The following UBXN8 variants were observed in gnomAD, a reference collection of about 807,000 sequenced individuals.
UBXN8 encodes the protein UBX domain-containing protein 8.
In UBXN8, 27 loss-of-function variants were observed where a neutral mutation model predicts 32.1. The ratio of observed to expected loss-of-function variants is 0.84; its 90% CI spans 0.62 to 1.16. UBXN8 has a LOEUF of 1.16. UBXN8 is among the 50% of genes most tolerant of loss of function. UBXN8 has a pLI of 0.00. For synonymous variants in UBXN8, 109 were observed against 111.8 expected (o/e 0.98, Z 0.16); for missense variants, 306 against 311.4 (o/e 0.98, Z 0.13).
chr8:30,756,676 GT>G, intron 4 of UBXN8, 88 bp from the exon 5 acceptor site: 1 of 1,558,550 alleles, frequency 6.4e-7, no homozygotes, highest in South Asian at 1.2e-5. Flanking sequence ...TGCCATCAGG[GT>G]AAAAAAAGGA....
At position 30,757,877 on chromosome 8, in the gene UBXN8, A is replaced by G. The variant is rs546181988; in HGVS notation, c.528+990A>G. Among the ~76,000 whole-genome samples the G allele has an allele frequency of 4.6e-5, 7 of 151,284 alleles. No homozygotes were observed. In the South Asian group the frequency reaches 1.5e-3, roughly 32 times the overall value. On this transcript the variant is annotated intron_variant, in intron 5 of 7. Coordinates refer to ENST00000265616, the MANE Select transcript of UBXN8 (RefSeq NM_005671.4). ...TCCGTCTCAAAAAAAAAAAAAAAAA[A>G]GAATTGATATTTTTTCTTTGTTTTT...
chr8:30,736,012 A>T (rs116312656), intron 1 of UBXN8, among the ~76,000 whole-genome samples: 1 of 152,236 alleles, frequency 6.6e-6, no homozygotes, highest in Non-Finnish European at 1.5e-5. Context: ...TAACTTTGCA[A>T]ATACAGGTTG....
intron 1 of UBXN8, among the ~76,000 whole-genome samples, chr8:30,748,122 A>G (rs112882694): frequency 0.013 from 1,944 of 150,818 alleles, 40 homozygotes; most frequent in African/African-American, 0.044. Context: ...ACTTAAGCTA[A>G]ATTTTTTTTC....
At chr8:30,747,321 T>TC in intron 1 of UBXN8, among the ~76,000 whole-genome samples, 2 of 122,496 alleles carry the variant, frequency 1.6e-5, no homozygotes, top group African/African-American at 6.6e-5. Context: ...TTTTTTTTTT[T>TC]TTTTTTTGAG....
chr8:30,730,577 T>G (rs1804927506), upstream of UBXN8, among the ~76,000 whole-genome samples: 1 of 151,718 alleles, frequency 6.6e-6, no homozygotes, highest in Admixed American at 6.6e-5. Context: ...GGGACCCAAA[T>G]GAAAGAGAGG....
At chr8:30,738,958 A>G (rs1228464336) in intron 1 of UBXN8, among the ~76,000 whole-genome samples, 4 of 150,864 alleles carry the variant, frequency 2.7e-5, no homozygotes, top group African/African-American at 9.7e-5. Flanking sequence ...CTCCATCTCA[A>G]AAAAGGCTTT....
At chr8:30,733,606 C>T (rs1442090675) in intron 1 of UBXN8, among the ~76,000 whole-genome samples, 2 of 152,182 alleles carry the variant, frequency 1.3e-5, no homozygotes, top group African/African-American at 2.4e-5. Context: ...CCCCTGCTCC[C>T]TCAAGCACCT....
chr8:30,742,749 G>A (rs865960511), upstream of UBXN8, among the ~76,000 whole-genome samples: 3 of 152,096 alleles, frequency 2.0e-5, no homozygotes, highest in Non-Finnish European at 4.4e-5. Flanking sequence ...CCTAACCTTT[G>A]AACACAACGT....
Position 30,766,589 on chromosome 8 carries a change from T to C in UBXN8, c.*195T>C, listed in dbSNP as rs1806014017. The C allele has an allele frequency of 4.8e-6, 2 of 413,248 alleles. No individual in the cohort carries two copies. Among genetic ancestry groups the C allele is most frequent in the Admixed American group, 8.0e-5 (2 of 24,902 alleles). The allele number at this position is 413,248 out of a possible 1,614,324, so 25.6% of individuals were successfully genotyped here. On this transcript the variant is annotated 3_prime_UTR_variant, in exon 8 of 8. Coordinates refer to ENST00000265616, the MANE Select transcript of UBXN8 (RefSeq NM_005671.4). ...TAATAATCTGTGGACTGTGCCATTT[T>C]ACAGTGTACCAAATGAGAATGAGGT...
rs577473646 is a variant in UBXN8 at position 30,766,737 on chromosome 8, A to C, written c.*343A>C. 1 of 156,270 alleles carries C rather than the reference A, an allele frequency of 6.4e-6. No individual in the cohort carries two copies. The highest frequency in any genetic ancestry group is 2.0e-4 in the South Asian group (1 of 4,992). 9.7% of individuals were successfully genotyped at this position (156,270 alleles called of 1,614,324 possible). On this transcript the variant is annotated 3_prime_UTR_variant, in exon 8 of 8. Coordinates refer to ENST00000265616, the MANE Select transcript of UBXN8 (RefSeq NM_005671.4). Reference sequence around the variant, plus strand: ...TTCTGCCTCTTCAATCCATCTTACCACACAATATTTCATGATTCAAATTCT... The same window carrying C: ...TTCTGCCTCTTCAATCCATCTTACCCCACAATATTTCATGATTCAAATTCT...
chr8:30,734,681 G>T (rs1008957302), intron 1 of UBXN8, among the ~76,000 whole-genome samples: 4 of 152,072 alleles, frequency 2.6e-5, no homozygotes, highest in African/African-American at 9.7e-5. Context: ...GCTCATGCCT[G>T]TAATCCCAGC....
upstream of UBXN8, among the ~76,000 whole-genome samples, chr8:30,730,048 C>CAAAAGTCAT (rs1804916212): frequency 1.3e-5 from 2 of 152,152 alleles, no homozygotes; most frequent in South Asian, 4.2e-4. Context: ...CCAGTGGTGC[C>CAAAAGTCAT]CTCCCCTTAC....
At chr8:30,739,358 C>T (rs959470341), upstream of UBXN8, among the ~76,000 whole-genome samples, 2 of 150,930 alleles carry the variant, frequency 1.3e-5, no homozygotes, top group Non-Finnish European at 3.0e-5. Context: ...TCCTGGCTAA[C>T]ACGGTGAAAC....
Position 30,744,234 on chromosome 8 carries a change from C to T in UBXN8, c.45C>T (p.Val15=), listed in dbSNP as rs777240286. 3 of 1,613,896 alleles carry T rather than the reference C, an allele frequency of 1.9e-6. No individual in the cohort carries two copies. Among genetic ancestry groups the T allele is most frequent in the Non-Finnish European group, 2.5e-6 (3 of 1,179,848 alleles). ...GVVGIFFLSA[V]PLVCLELRRG... ...TTGGCATTTTCTTCCTCTCTGCTGT[C>T]CCCCTTGTGTGTCTGGAGCTCCGGC... The change falls in exon 1 of 8, where the codon GTC becomes GTT. Residue 15 remains valine, a synonymous_variant. Coordinates refer to ENST00000265616, the MANE Select transcript of UBXN8 (RefSeq NM_005671.4).
At chr8:30,740,179 G>A (rs142182937), upstream of UBXN8, among the ~76,000 whole-genome samples, 1 of 151,812 alleles carries the variant, frequency 6.6e-6, no homozygotes, top group Non-Finnish European at 1.5e-5. Context: ...GGCATGAGCC[G>A]CCACGGTCAG....
At chr8:30,744,650 T>A (rs984936969) in intron 1 of UBXN8, among the ~76,000 whole-genome samples, 9 of 152,268 alleles carry the variant, frequency 5.9e-5, no homozygotes, top group African/African-American at 1.9e-4. Flanking sequence ...TTGCCCAGGC[T>A]GGTCTCGAAC....
At chr8:30,753,919 C>A (rs1368388801) in intron 3 of UBXN8, among the ~76,000 whole-genome samples, 1 of 151,828 alleles carries the variant, frequency 6.6e-6, no homozygotes, top group East Asian at 1.9e-4. Flanking sequence ...ACTACAGGCA[C>A]ACACACACCA....
upstream of UBXN8, among the ~76,000 whole-genome samples, chr8:30,742,634 G>A (rs536763424): frequency 7.2e-4 from 110 of 152,056 alleles, no homozygotes; most frequent in Non-Finnish European, 1.0e-3. Context: ...GAGCTACCGC[G>A]CCCGGCCTCA....
chr8:30,754,555 G>C, intron 3 of UBXN8, 110 bp from the exon 4 acceptor site: 1 of 1,425,310 alleles, frequency 7.0e-7, no homozygotes, highest in Middle Eastern at 1.9e-4. Context: ...CAGTGGCTCT[G>C]TTCAGCCAGC....
Sources: allele counts gnomAD v4.1 joint callset (sites outside exome capture counted in the v4.1 genomes callset), GRCh38; gene constraint gnomAD v4.1.1; transcripts MANE v1.5; gene names NCBI Gene and HGNC (gene_info 2026-07-23, HGNC 2026-07-21).